HCLS1: variants seen among roughly 807,000 people sequenced by gnomAD.
HCLS1 encodes the protein hematopoietic cell-specific Lyn substrate 1, also known as hematopoietic lineage cell-specific protein.
In HCLS1, 44 loss-of-function variants were observed where a neutral mutation model predicts 68.6. The ratio of observed to expected loss-of-function variants is 0.64; its 90% CI spans 0.50 to 0.82. The LOEUF (loss-of-function observed/expected upper bound fraction) is 0.82, where lower values mean the gene tolerates loss of function less well. Among genes scored for constraint, HCLS1 ranks in the 40% least tolerant of loss-of-function variants. The probability of loss-of-function intolerance (pLI) is 0.00; values close to 1 mark genes in which losing one functional copy is unlikely to be tolerated. For synonymous variants in HCLS1, 217 were observed against 225.8 expected (o/e 0.96, Z 0.35); for missense variants, 602 against 612.1 (o/e 0.98, Z 0.17).
chr3:121,635,172 A>ATCCACTT (rs893123560), intron 9 of HCLS1, among the ~76,000 whole-genome samples: 1 of 148,510 alleles, frequency 6.7e-6, no homozygotes, highest in African/African-American at 2.5e-5. Flanking sequence ...CACTCTGTCT[A>ATCCACTT]TCCACTTGAC....
At chr3:121,632,643 T>A in intron 11 of HCLS1, 80 bp from the exon 12 acceptor site, 1 of 1,253,060 alleles carries the variant, frequency 8.0e-7, no homozygotes, top group Non-Finnish European at 1.1e-6. Flanking sequence ...TCCCCCGCCC[T>A]TCACCACCCT....
At chr3:121,642,872 G>C in intron 6 of HCLS1, 55 bp downstream of exon 6, 1 of 1,353,788 alleles carries the variant, frequency 7.4e-7, no homozygotes, top group South Asian at 1.2e-5. Flanking sequence ...TAAAGTCTTA[G>C]CAGAAGAGCC....
At chr3:121,633,194 C>A in intron 10 of HCLS1, 23 bp from the exon 11 acceptor site, 1 of 1,434,064 alleles carries the variant, frequency 7.0e-7, no homozygotes, top group Non-Finnish European at 9.6e-7. Context: ...AAGCATCTCT[C>A]AAGTAAGCAA....
intron 3 of HCLS1, among the ~76,000 whole-genome samples, chr3:121,655,039 C>T (rs1937829653): frequency 6.6e-6 from 1 of 152,202 alleles, no homozygotes; most frequent in African/African-American, 2.4e-5. Context: ...CAGGCTTTCA[C>T]TCCTTGATAA....
intron 3 of HCLS1, chr3:121,654,304 T>C (rs929939629): frequency 6.6e-6 from 1 of 152,246 alleles, no homozygotes; most frequent in Non-Finnish European, 1.5e-5. Context: ...GACAACATCG[T>C]GATTTTATAT....
chr3:121,631,901 C>T lies in HCLS1; in HGVS notation c.1406G>A (p.Arg469His), dbSNP rs146030198. 1.4e-4 allele frequency: 222 copies of T among 1,614,042 alleles called. No individual in the cohort carries two copies. The African/African-American group carries it at 2.2e-3, about 16-fold the overall frequency. Residue 469 changes from arginine (R) to histidine (H), a missense_variant, in exon 14 of 14, where the codon CGT (arginine) becomes CAT (histidine). Arg to His is a conservative substitution (Grantham distance 29). Coordinates refer to ENST00000314583, the MANE Select transcript of HCLS1 (RefSeq NM_005335.6). ...EMVDEGWWRGRCHGHFGLFPA... is the reference protein window; with the variant it reads ...EMVDEGWWRGHCHGHFGLFPA... ...GAAGAGTCCAAAGTGGCCATGGCAACGTCCCCGCCACCAGCCCTCGTCCAC... is the reference window on the plus strand; with the variant it reads ...GAAGAGTCCAAAGTGGCCATGGCAATGTCCCCGCCACCAGCCCTCGTCCAC...
intron 4 of HCLS1, among the ~76,000 whole-genome samples, chr3:121,645,990 TATATATTTATAA>T (rs1350588744): frequency 4.5e-5 from 6 of 134,710 alleles, no homozygotes; most frequent in Non-Finnish European, 9.2e-5. Flanking sequence ...ATATTAATAA[TATATATTTATAA>T]ATATATTTAT....
At chr3:121,659,925 A>T (rs1937954605) in intron 1 of HCLS1, among the ~76,000 whole-genome samples, 1 of 152,228 alleles carries the variant, frequency 6.6e-6, no homozygotes, top group Admixed American at 6.5e-5. Flanking sequence ...TGAAATAAAG[A>T]GTTTCTGAAA....
At chr3:121,641,594 GAAC>G (rs145703341) in intron 6 of HCLS1, among the ~76,000 whole-genome samples, 2,574 of 152,168 alleles carry the variant, frequency 0.017, 60 homozygotes, top group African/African-American at 0.058. Context: ...CCAATATACT[GAAC>G]AACAACAATA....
At chr3:121,634,717 A>C (rs759064368) in intron 9 of HCLS1, among the ~76,000 whole-genome samples, 1 of 151,912 alleles carries the variant, frequency 6.6e-6, no homozygotes, top group African/African-American at 2.4e-5. Flanking sequence ...CTGCAGCCTC[A>C]ACCTCCCAGG....
chr3:121,632,595 T>A, intron 11 of HCLS1, 32 bp from the exon 12 acceptor site: 1 of 1,589,626 alleles, frequency 6.3e-7, no homozygotes, highest in East Asian at 2.2e-5. Context: ...CACTGTGACT[T>A]CCACTTTCCA....
intron 6 of HCLS1, among the ~76,000 whole-genome samples, chr3:121,638,678 A>C (rs2049171163): frequency 6.6e-6 from 1 of 152,196 alleles, no homozygotes; most frequent in African/African-American, 2.4e-5. Context: ...GAAATTAACT[A>C]AATACTGATC....
Position 121,631,889 on chromosome 3 carries a change from T to C in HCLS1, c.1418A>G (p.His473Arg). The C allele has an allele frequency of 6.2e-7, 1 of 1,614,172 alleles. No individual in the cohort carries two copies. The highest frequency in any genetic ancestry group is 8.5e-7 in the Non-Finnish European group (1 of 1,180,024). Residue 473 changes from histidine to arginine, a missense_variant, in exon 14 of 14, where the codon CAC becomes CGC. Transcript: ENST00000314583. Reference sequence around the variant, plus strand: ...ATAATTTGCAGGGAAGAGTCCAAAGTGGCCATGGCAACGTCCCCGCCACCA... The same window carrying C: ...ATAATTTGCAGGGAAGAGTCCAAAGCGGCCATGGCAACGTCCCCGCCACCA... Reference protein sequence around the residue: ...EGWWRGRCHGHFGLFPANYVK... With the variant: ...EGWWRGRCHGRFGLFPANYVK...
At chr3:121,644,248 TC>T (rs2049225556) in intron 5 of HCLS1, 1 of 198,250 alleles carries the variant, frequency 5.0e-6, no homozygotes, top group Admixed American at 5.2e-5. Context: ...AATCTTACTC[TC>T]CTGTCAACGA....
chr3:121,655,770 T>C (rs1937852270), intron 3 of HCLS1, among the ~76,000 whole-genome samples: 1 of 150,510 alleles, frequency 6.6e-6, no homozygotes, highest in Admixed American at 6.6e-5. Context: ...TCAATCTTTT[T>C]CCAGAATGGC....
intron 12 of HCLS1, 61 bp downstream of exon 12, chr3:121,632,271 T>G (rs1434809597): frequency 1.0e-5 from 16 of 1,602,190 alleles, no homozygotes; most frequent in Non-Finnish European, 1.4e-5. Flanking sequence ...GAGAAATTCT[T>G]CTTCCTCTTA....
At chr3:121,645,329 G>A (rs2049237308) in intron 4 of HCLS1, among the ~76,000 whole-genome samples, 1 of 152,114 alleles carries the variant, frequency 6.6e-6, no homozygotes, top group South Asian at 2.1e-4. Flanking sequence ...AGCCGGGATG[G>A]AATATTTCAC....
At chr3:121,649,530 T>C (rs1272933381) in intron 3 of HCLS1, among the ~76,000 whole-genome samples, 4 of 152,188 alleles carry the variant, frequency 2.6e-5, no homozygotes, top group Admixed American at 6.6e-5. Flanking sequence ...CCACCACGCC[T>C]GGCCTAAACA....
At chr3:121,639,773 G>A (rs2049180797) in intron 6 of HCLS1, among the ~76,000 whole-genome samples, 1 of 152,204 alleles carries the variant, frequency 6.6e-6, no homozygotes, top group Non-Finnish European at 1.5e-5. Flanking sequence ...TGAAGGTAGT[G>A]TTCAGAGGGA....
Sources: allele counts gnomAD v4.1 joint callset (sites outside exome capture counted in the v4.1 genomes callset), GRCh38; gene constraint gnomAD v4.1.1; transcripts MANE v1.5; gene names NCBI Gene and HGNC (gene_info 2026-07-23, HGNC 2026-07-21).